The following VKORC1L1 variants were observed in gnomAD, a reference collection of about 807,000 sequenced individuals.
The protein encoded by VKORC1L1 is vitamin K epoxide reductase complex subunit 1-like protein 1.
Under a neutral mutation model 18.9 loss-of-function variants are expected in VKORC1L1, and 2 were observed. The ratio of observed to expected loss-of-function variants is 0.11; its 90% CI spans 0.04 to 0.33. VKORC1L1 has a LOEUF of 0.33. Ranked by LOEUF, VKORC1L1 falls within the 10% of genes least tolerant of loss-of-function variation. The pLI is 1.00. For synonymous variants in VKORC1L1, 96 were observed against 100.0 expected, an observed-to-expected ratio of 0.96 and a Z score of 0.24; for missense variants, 123 against 224.1, an observed-to-expected ratio of 0.55 and a Z score of 2.88.
intron 1 of VKORC1L1, among the ~76,000 whole-genome samples, chr7:65,893,887 T>C (rs759302688): frequency 3.3e-5 from 5 of 152,176 alleles, no homozygotes. Context: ...TAGAATCAGC[T>C]GTGATGTTCC....
At chr7:65,910,550 T>A (rs1257981286) in intron 1 of VKORC1L1, among the ~76,000 whole-genome samples, 3 of 152,216 alleles carry the variant, frequency 2.0e-5, no homozygotes, top group South Asian at 4.1e-4. Context: ...TCAGAACTAG[T>A]TGTGTTTGTT....
chr7:65,871,219 G>A (rs6958860), upstream of VKORC1L1, among the ~76,000 whole-genome samples: 48,731 of 150,724 alleles, frequency 0.32, 8,861 homozygotes, highest in East Asian at 0.47. Flanking sequence ...TTTTTGAGAT[G>A]GAGTTTTTCC....
rs1790300915 is a variant in VKORC1L1 at position 65,956,673 on chromosome 7, GTGTTAA to G, written c.*2375_*2380del. On this transcript the variant is annotated 3_prime_UTR_variant, in exon 3 of 3. Transcript: ENST00000360768. ...TGTCTCAGTAACAGAATCCTGGTGG[GTGTTAA>G]TTGGGTGTTTTTTGCCCTGGAGAAT... is the stretch of plus-strand genomic sequence containing the variant. The G allele has an allele frequency of 1.3e-5, 2 of 152,186 alleles. No homozygotes were observed. Among genetic ancestry groups the G allele is most frequent in the Admixed American group, 1.3e-4 (2 of 15,266 alleles). The allele number at this position is 152,186 out of a possible 1,614,324, so 9.4% of individuals were successfully genotyped here. A position where few individuals can be genotyped will look rare whatever the true frequency, so the allele number is the denominator to read the frequency against.
At chr7:65,868,851 T>C (rs1369740426), upstream of VKORC1L1, among the ~76,000 whole-genome samples, 1 of 152,030 alleles carries the variant, frequency 6.6e-6, no homozygotes, top group African/African-American at 2.4e-5. Flanking sequence ...TCCTATTGAG[T>C]ACAATGTTCA....
At chr7:65,868,903 C>T (rs1389683101), upstream of VKORC1L1, among the ~76,000 whole-genome samples, 1 of 152,042 alleles carries the variant, frequency 6.6e-6, no homozygotes, top group African/African-American at 2.4e-5. Flanking sequence ...GACCTCAGCA[C>T]TCCACAATAT....
chr7:65,939,460 G>A (rs1388500483), intron 1 of VKORC1L1, among the ~76,000 whole-genome samples: 2 of 152,176 alleles, frequency 1.3e-5, no homozygotes, highest in African/African-American at 4.8e-5. Flanking sequence ...AATAATGGAA[G>A]CAATTTTGGA....
intron 1 of VKORC1L1, among the ~76,000 whole-genome samples, chr7:65,895,453 G>GAAAAAA (rs1167891625): frequency 3.8e-5 from 1 of 26,666 alleles, no homozygotes; most frequent in African/African-American, 1.1e-4. Context: ...CCATCTGTGA[G>GAAAAAA]AAAAAAAAAA....
chr7:65,951,371 C>T (rs1468729262), intron 2 of VKORC1L1, among the ~76,000 whole-genome samples: 1 of 152,062 alleles, frequency 6.6e-6, no homozygotes, highest in East Asian at 1.9e-4. Flanking sequence ...GTCAGGAGTT[C>T]AAGACCAGCC....
At chr7:65,876,923 G>C (rs1263090498) in intron 1 of VKORC1L1, among the ~76,000 whole-genome samples, 2 of 152,170 alleles carry the variant, frequency 1.3e-5, no homozygotes, top group African/African-American at 4.8e-5. Flanking sequence ...GCGCATGCCT[G>C]TATTTCCAGC....
At chr7:65,932,182 C>G (rs1304447079) in intron 1 of VKORC1L1, among the ~76,000 whole-genome samples, 3 of 152,092 alleles carry the variant, frequency 2.0e-5, no homozygotes, top group Non-Finnish European at 4.4e-5. Flanking sequence ...ATGGCAACCT[C>G]TGCCTCCCGG....
intron 1 of VKORC1L1, among the ~76,000 whole-genome samples, chr7:65,882,568 T>G (rs1424814137): frequency 6.6e-6 from 1 of 152,178 alleles, no homozygotes; most frequent in Non-Finnish European, 1.5e-5. Flanking sequence ...AAAATGCCAT[T>G]TTATTTTTTA....
intron 1 of VKORC1L1, among the ~76,000 whole-genome samples, chr7:65,893,024 A>G (rs1789133514): frequency 6.6e-6 from 1 of 152,226 alleles, no homozygotes; most frequent in South Asian, 2.1e-4. Context: ...GCCGCATGAA[A>G]TGCAGTGTTG....
chr7:65,955,103 T>C lies in VKORC1L1; in HGVS notation c.*803T>C, dbSNP rs1790273090. 1 of 152,234 alleles carries C rather than the reference T, an allele frequency of 6.6e-6. No homozygotes were observed. Among genetic ancestry groups the C allele is most frequent in the Non-Finnish European group, 1.5e-5 (1 of 68,050 alleles). 9.4% of individuals were successfully genotyped at this position (152,234 alleles called of 1,614,324 possible). Reference sequence around the variant, plus strand: ...GTTGTTAACCTTACAGAATGAGTCATGTGGCCAGACCTTCAAGTCCAAGGC... The same window carrying C: ...GTTGTTAACCTTACAGAATGAGTCACGTGGCCAGACCTTCAAGTCCAAGGC... On this transcript the variant is annotated 3_prime_UTR_variant, in exon 3 of 3. Transcript: ENST00000360768.
chr7:65,905,974 TTCTTC>T (rs1158524841), intron 1 of VKORC1L1, among the ~76,000 whole-genome samples: 1 of 152,174 alleles, frequency 6.6e-6, no homozygotes, highest in Non-Finnish European at 1.5e-5. Context: ...TTTTTTCCTT[TTCTTC>T]TCTTCCTGCC....
intron 1 of VKORC1L1, among the ~76,000 whole-genome samples, chr7:65,920,659 G>A (rs1789660829): frequency 6.6e-6 from 1 of 152,134 alleles, no homozygotes; most frequent in Non-Finnish European, 1.5e-5. Context: ...CTTCTGTGGT[G>A]TCGTGTCCTT....
At chr7:65,888,231 G>A (rs1379255456) in intron 1 of VKORC1L1, among the ~76,000 whole-genome samples, 1 of 151,978 alleles carries the variant, frequency 6.6e-6, no homozygotes, top group African/African-American at 2.4e-5. Context: ...AAGTCTATAG[G>A]GTCCCTGGGA....
chr7:65,947,206 C>G (rs1274149348), intron 1 of VKORC1L1, among the ~76,000 whole-genome samples: 1 of 152,150 alleles, frequency 6.6e-6, no homozygotes, highest in Non-Finnish European at 1.5e-5. Flanking sequence ...TCATGGCTTT[C>G]ACTTGTTTGT....
chr7:65,914,380 G>A (rs1200752907), intron 1 of VKORC1L1, among the ~76,000 whole-genome samples: 1 of 152,196 alleles, frequency 6.6e-6, no homozygotes, highest in African/African-American at 2.4e-5. Context: ...GGGATTACAG[G>A]CGTGAGTCAC....
intron 2 of VKORC1L1, among the ~76,000 whole-genome samples, chr7:65,953,840 G>A (rs916527541): frequency 1.3e-5 from 2 of 152,212 alleles, no homozygotes; most frequent in Non-Finnish European, 2.9e-5. Flanking sequence ...ACTCCAGCCT[G>A]GGCGGTAGAG....
Sources: allele counts gnomAD v4.1 joint callset (sites outside exome capture counted in the v4.1 genomes callset), GRCh38; gene constraint gnomAD v4.1.1; transcripts MANE v1.5; gene names NCBI Gene and HGNC (gene_info 2026-07-23, HGNC 2026-07-21).